SEMA5A: variants seen among roughly 807,000 people sequenced by gnomAD.
SEMA5A encodes semaphorin 5A.
Under a neutral mutation model 135.5 loss-of-function variants are expected in SEMA5A, and 55 were observed. That is an observed-to-expected ratio of 0.41 (90% CI 0.33 to 0.51). SEMA5A has a LOEUF of 0.51. SEMA5A is among the 20% of genes least tolerant of loss of function. The probability of loss-of-function intolerance (pLI) is 0.37; values close to 1 mark genes in which losing one functional copy is unlikely to be tolerated. For missense variants in SEMA5A, 1,290 were observed against 1,419.9 expected (o/e 0.91, Z 1.47); for synonymous variants, 580 against 546.5 (o/e 1.06, Z -0.85).
intron 5 of SEMA5A, chr5:9,265,388 CT>C: frequency 2.2e-6 from 1 of 455,682 alleles, no homozygotes; most frequent in South Asian, 1.6e-5. Context: ...TATAATTTAT[CT>C]AACAAGTCAA....
intron 1 of SEMA5A, among the ~76,000 whole-genome samples, chr5:9,490,916 G>C (rs903884998): frequency 3.9e-5 from 6 of 152,192 alleles, no homozygotes. Flanking sequence ...CCTTTCCACT[G>C]TGTCTTCTTC....
chr5:9,129,568 T>C (rs888917475), intron 13 of SEMA5A, among the ~76,000 whole-genome samples: 1 of 152,244 alleles, frequency 6.6e-6, no homozygotes, highest in Non-Finnish European at 1.5e-5. Context: ...GGCTTTACTT[T>C]TTCATATGAA....
chr5:9,247,960 T>C (rs555991358), intron 5 of SEMA5A, among the ~76,000 whole-genome samples: 1 of 152,292 alleles, frequency 6.6e-6, no homozygotes, highest in South Asian at 2.1e-4. Flanking sequence ...TATTGAACAC[T>C]CTCATAACTT....
chr5:9,289,350 A>G (rs1171120488), intron 5 of SEMA5A, among the ~76,000 whole-genome samples: 4 of 152,224 alleles, frequency 2.6e-5, no homozygotes, highest in Non-Finnish European at 4.4e-5. Flanking sequence ...TTCTACATTC[A>G]ATTTATATTA....
chr5:9,115,599 A>G (rs1740468040), intron 15 of SEMA5A, among the ~76,000 whole-genome samples: 2 of 152,224 alleles, frequency 1.3e-5, no homozygotes, highest in South Asian at 4.1e-4. Context: ...AGCCTCTTCC[A>G]CATGTGGGCC....
At chr5:9,448,603 G>A (rs1758518311) in intron 1 of SEMA5A, among the ~76,000 whole-genome samples, 1 of 152,218 alleles carries the variant, frequency 6.6e-6, no homozygotes. Flanking sequence ...AAGCCATTGA[G>A]ATAGTAACAC....
intron 5 of SEMA5A, among the ~76,000 whole-genome samples, chr5:9,280,581 T>C (rs1750490942): frequency 6.6e-6 from 1 of 152,196 alleles, no homozygotes; most frequent in South Asian, 2.1e-4. Context: ...AGGATGACAA[T>C]CTAAAAATGA....
chr5:9,316,989 G>C (rs181081664), intron 5 of SEMA5A, among the ~76,000 whole-genome samples: 1 of 152,158 alleles, frequency 6.6e-6, no homozygotes, highest in East Asian at 1.9e-4. Flanking sequence ...GAAACCACCA[G>C]TCCACTCTCT....
chr5:9,349,936 A>C (rs898355878), intron 3 of SEMA5A, among the ~76,000 whole-genome samples: 3 of 151,928 alleles, frequency 2.0e-5, no homozygotes, highest in Admixed American at 6.6e-5. Context: ...CAAAAAAAAA[A>C]CATGCTATCA....
In SEMA5A at chr5:9,270,885, A is replaced by T. The variant is rs569624293; in HGVS notation, c.271-32995T>A. Among the ~76,000 whole-genome samples the T allele has an allele frequency of 6.6e-4, 101 of 152,306 alleles. 1 individual carries two copies. Among genetic ancestry groups the T allele is most frequent in the Middle Eastern group, 3.4e-3 (1 of 294 alleles). On this transcript the variant is annotated intron_variant, in intron 5 of 22. Coordinates refer to ENST00000382496, the MANE Select transcript of SEMA5A (RefSeq NM_003966.3). ...AAACTACAGCCTGTGGGTCAAATCC[A>T]GCCCATTGCCTATTTTCTGATCACT... is the stretch of plus-strand genomic sequence containing the variant.
intron 2 of SEMA5A, among the ~76,000 whole-genome samples, chr5:9,386,547 C>T (rs1335080881): frequency 6.6e-6 from 1 of 152,240 alleles, no homozygotes; most frequent in East Asian, 1.9e-4. Flanking sequence ...TGTCATGAGC[C>T]CCTCATCTGT....
At chr5:9,184,976 G>A (rs1341125728) in intron 11 of SEMA5A, among the ~76,000 whole-genome samples, 1 of 152,004 alleles carries the variant, frequency 6.6e-6, no homozygotes, top group Non-Finnish European at 1.5e-5. Context: ...TTCCCAGGCT[G>A]GCGTACAATG....
rs139330577 is a variant in SEMA5A at position 9,371,706 on chromosome 5, T to G, written c.124+8117A>C. On this transcript the variant is annotated intron_variant, in intron 3 of 22. Transcript: ENST00000382496. ...ACATCACATAAAACATCCAGTCATA[T>G]GCATGATAATGAAAAGACAAATTAT... Among the ~76,000 whole-genome samples the G allele has an allele frequency of 2.6e-5, 4 of 152,340 alleles. No individual in the cohort carries two copies. In the East Asian group the frequency reaches 7.7e-4, roughly 29 times the overall value.
intron 3 of SEMA5A, among the ~76,000 whole-genome samples, chr5:9,353,191 GA>G (rs1754251977): frequency 1.1e-5 from 1 of 88,752 alleles, no homozygotes; most frequent in African/African-American, 5.8e-5. Flanking sequence ...GAAGGGAAGG[GA>G]AAGGAAAGGA....
At chr5:9,379,688 C>A in intron 3 of SEMA5A, 135 bp downstream of exon 3, 1 of 1,114,090 alleles carries the variant, frequency 9.0e-7, no homozygotes, top group Non-Finnish European at 1.3e-6. Context: ...GTAGTTTTAC[C>A]TTTATTTTAA....
At chr5:9,250,065 A>G (rs144256426) in intron 5 of SEMA5A, among the ~76,000 whole-genome samples, 1 of 152,294 alleles carries the variant, frequency 6.6e-6, no homozygotes, top group Non-Finnish European at 1.5e-5. Context: ...GTGAGAGACA[A>G]GTAGTTGAGA....
At chr5:9,373,855 G>A (rs1445177862) in intron 3 of SEMA5A, among the ~76,000 whole-genome samples, 2 of 152,184 alleles carry the variant, frequency 1.3e-5, no homozygotes, top group African/African-American at 4.8e-5. Flanking sequence ...TCCTATAACA[G>A]GAGCATGCTC....
chr5:9,237,772 T>C, intron 6 of SEMA5A, 56 bp downstream of exon 6: 2 of 1,475,186 alleles, frequency 1.4e-6, no homozygotes, highest in South Asian at 1.1e-5. Context: ...ATGCTTTATA[T>C]AGTGTAGAGT....
chr5:9,443,668 A>C (rs955799556), intron 1 of SEMA5A, among the ~76,000 whole-genome samples: 1 of 152,242 alleles, frequency 6.6e-6, no homozygotes, highest in Non-Finnish European at 1.5e-5. Context: ...ATTTCACAAA[A>C]GTTCTAAATA....
Sources: gnomAD v4.1 joint callset for allele counts (sites outside exome capture counted in the v4.1 genomes callset) on GRCh38, gnomAD v4.1.1 for gene constraint, MANE v1.5 for transcripts, NCBI Gene and HGNC (gene_info 2026-07-23, HGNC 2026-07-21) for gene names.